The following GNAL variants were observed in gnomAD, a reference collection of about 807,000 sequenced individuals.
The protein encoded by GNAL is guanine nucleotide-binding protein G(olf) subunit alpha.
A neutral mutation model predicts 55.1 loss-of-function variants in GNAL; 18 were observed. The ratio of observed to expected loss-of-function variants is 0.33; its 90% confidence interval spans 0.23 to 0.48. The LOEUF is 0.48. Ranked by LOEUF, GNAL falls within the 20% of genes least tolerant of loss-of-function variation. The pLI is 0.99. For missense variants in GNAL, 412 were observed against 614.1 expected (o/e 0.67, Z 3.48); for synonymous variants, 253 against 237.0 (o/e 1.07, Z -0.62).
In GNAL at chr18:11,751,929, C is replaced by G. The variant is rs886379811; in HGVS notation, c.377-924C>G. ...GGCCCGGCAGGTGCCCATCGTCGCC[C>G]TCTGGGACCCCGGTGGCGCGCTCTG... On this transcript the variant is annotated intron_variant, in intron 1 of 11. Coordinates refer to ENST00000334049, the MANE Select transcript of GNAL (RefSeq NM_182978.4). This position sits in a 1 kb window ranked among gnomAD's most constrained non-coding sequence, Gnocchi z 4.5. Among the ~76,000 whole-genome samples, 1 of 152,204 alleles carries G rather than the reference C, an allele frequency of 6.6e-6. No individual in the cohort carries two copies. The highest frequency in any genetic ancestry group is 1.9e-4 in the East Asian group (1 of 5,176).
At chr18:11,720,470 G>A (rs2032068878) in intron 1 of GNAL, among the ~76,000 whole-genome samples, 1 of 152,166 alleles carries the variant, frequency 6.6e-6, no homozygotes. Context: ...CTTGTAGTGC[G>A]ACGTTATGTG....
At chr18:11,792,181 CTCCTTCCTTCCCTCCCT>C (rs1349979307) in intron 4 of GNAL, among the ~76,000 whole-genome samples, 2 of 151,940 alleles carry the variant, frequency 1.3e-5, no homozygotes, top group South Asian at 2.1e-4. Context: ...TCCTCCCTCC[CTCCTTCCTTCCCTCCCT>C]TCCTTCCTTC....
chr18:11,792,284 C>G (rs1050587536), intron 4 of GNAL, among the ~76,000 whole-genome samples: 1 of 152,102 alleles, frequency 6.6e-6, no homozygotes, highest in African/African-American at 2.4e-5. Flanking sequence ...CTCCCGAGTT[C>G]AAGCAATTCT....
chr18:11,794,040 C>T (rs534409599), intron 4 of GNAL, among the ~76,000 whole-genome samples: 1 of 152,218 alleles, frequency 6.6e-6, no homozygotes, highest in Non-Finnish European at 1.5e-5. Context: ...ATCAAAACCA[C>T]AATGGGGTGC....
At chr18:11,806,361 T>C (rs1212579307) in intron 4 of GNAL, among the ~76,000 whole-genome samples, 1 of 152,198 alleles carries the variant, frequency 6.6e-6, no homozygotes, top group East Asian at 1.9e-4. Flanking sequence ...GTCCCATTTG[T>C]CTATTTGTGT....
At chr18:11,798,058 A>T (rs1374765476) in intron 4 of GNAL, among the ~76,000 whole-genome samples, 1 of 152,200 alleles carries the variant, frequency 6.6e-6, no homozygotes, top group Non-Finnish European at 1.5e-5. Flanking sequence ...ATAATGATCA[A>T]ATACAATCTT....
Position 11,745,977 on chromosome 18 carries a change from A to G in GNAL, c.377-6876A>G, listed in dbSNP as rs140994030. On this transcript the variant is annotated intron_variant, in intron 1 of 11. Coordinates refer to ENST00000334049, the MANE Select transcript of GNAL (RefSeq NM_182978.4). ...GCAATTACTTTGCTAGATACTGCCA[A>G]TAAGAAAGTGTTCTTGGGCAGAGAT... 1,597 of 272,032 alleles carry G rather than the reference A, an allele frequency of 5.9e-3. 29 individuals carry two copies. The highest frequency in any genetic ancestry group is 0.033 in the African/African-American group (1,473 of 45,176). The allele number at this position is 272,032 out of a possible 1,614,324, so 16.9% of individuals were successfully genotyped here.
At chr18:11,862,479 A>G in intron 6 of GNAL, 30 bp downstream of exon 6, 1 of 1,485,936 alleles carries the variant, frequency 6.7e-7, no homozygotes. Flanking sequence ...CCCACCACAC[A>G]CCAGAAACTT....
intron 7 of GNAL, among the ~76,000 whole-genome samples, chr18:11,866,515 GC>G (rs2036267005): frequency 1.3e-5 from 2 of 150,472 alleles, no homozygotes; most frequent in South Asian, 4.1e-4. Context: ...AGGGGCCTGG[GC>G]CGGCCTGATG....
At chr18:11,832,092 T>G (rs771971560) in intron 5 of GNAL, among the ~76,000 whole-genome samples, 2 of 152,222 alleles carry the variant, frequency 1.3e-5, no homozygotes, top group South Asian at 4.1e-4. Context: ...ATGCATTTCC[T>G]CTAAGTCCTA....
intron 4 of GNAL, among the ~76,000 whole-genome samples, chr18:11,823,697 T>C (rs2035164580): frequency 1.3e-5 from 2 of 152,164 alleles, no homozygotes; most frequent in Admixed American, 1.3e-4. Context: ...TTCCTAGAAA[T>C]GTGGCAGCTG....
chr18:11,749,318 AGT>A (rs1241758033), intron 1 of GNAL, among the ~76,000 whole-genome samples: 1 of 152,140 alleles, frequency 6.6e-6, no homozygotes, highest in Admixed American at 6.5e-5. Flanking sequence ...GGAGTCTGAC[AGT>A]GTATGTTTGC....
In GNAL at chr18:11,771,177, C is replaced by A. The variant is rs1443635136; in HGVS notation, c.624+17232C>A. Among the ~76,000 whole-genome samples the A allele has an allele frequency of 6.7e-5, 10 of 150,002 alleles. No homozygotes were observed. The East Asian group carries it at 1.4e-3, about 21-fold the overall frequency. ...AGGTTACAGTGAGCCGAAGTCGTGC[C>A]ACTGCTCTCCAGCCTGGGCAACAAG... is the stretch of plus-strand genomic sequence containing the variant. On this transcript the variant is annotated intron_variant, in intron 4 of 11. Coordinates refer to ENST00000334049, the MANE Select transcript of GNAL (RefSeq NM_182978.4).
At chr18:11,802,078 A>G (rs1362379035) in intron 4 of GNAL, among the ~76,000 whole-genome samples, 1 of 151,906 alleles carries the variant, frequency 6.6e-6, no homozygotes, top group African/African-American at 2.4e-5. Context: ...GTTTAGGGAC[A>G]TTTTTTTTCT....
Position 11,753,659 on chromosome 18 carries a change from A to C in GNAL, c.481A>C (p.Lys161Gln), listed in dbSNP as rs754431169. The C allele has an allele frequency of 6.3e-7, 1 of 1,596,808 alleles. No individual in the cohort carries two copies. Among genetic ancestry groups the C allele is most frequent in the Non-Finnish European group, 8.6e-7 (1 of 1,164,372 alleles). The change falls in exon 3 of 12, where the codon AAA (lysine) becomes CAA (glutamine). Residue 161 changes from lysine to glutamine, a missense_variant. Transcript: ENST00000334049. Reference sequence around the variant, plus strand: ...GAAACAGAAAATTCTGGACATCCGGAAAAATGTTAAAGATGCTATCGTGGT... The same window carrying C: ...GAAACAGAAAATTCTGGACATCCGGCAAAATGTTAAAGATGCTATCGTGGT... ...EKKQKILDIR[K>Q]NVKDAIVTIV...
chr18:11,711,176 TCA>T (rs1412556535), intron 1 of GNAL, among the ~76,000 whole-genome samples: 1 of 152,174 alleles, frequency 6.6e-6, no homozygotes, highest in African/African-American at 2.4e-5. Flanking sequence ...TGCCTGGTCC[TCA>T]GTTTGAACTA....
intron 1 of GNAL, among the ~76,000 whole-genome samples, chr18:11,742,655 T>C (rs2032603148): frequency 6.6e-6 from 1 of 152,194 alleles, no homozygotes; most frequent in Non-Finnish European, 1.5e-5. Flanking sequence ...GCGATAGCAG[T>C]TCCCTTCCCT....
intron 10 of GNAL, among the ~76,000 whole-genome samples, chr18:11,876,233 C>T (rs1462694604): frequency 6.6e-6 from 1 of 152,204 alleles, no homozygotes; most frequent in Admixed American, 6.5e-5. Context: ...AATCCCAGCA[C>T]TTTGGGAGGC....
intron 4 of GNAL, among the ~76,000 whole-genome samples, chr18:11,804,771 G>C (rs1215210309): frequency 7.9e-6 from 1 of 126,932 alleles, no homozygotes; most frequent in East Asian, 2.4e-4. Flanking sequence ...TACAGGTGCA[G>C]TTTGAGTGGA....
Sources: gnomAD v4.1 joint callset for allele counts (sites outside exome capture counted in the v4.1 genomes callset) on GRCh38, gnomAD v4.1.1 for gene constraint, Gnocchi (gnomAD v3.1) non-coding constraint, MANE v1.5 for transcripts, NCBI Gene and HGNC (gene_info 2026-07-23, HGNC 2026-07-21) for gene names.